The following INSR variants were observed in gnomAD, a reference collection of about 807,000 sequenced individuals.
The protein encoded by INSR is IR.
In INSR, 67 loss-of-function variants were observed where a neutral mutation model predicts 142.6. The observed-to-expected ratio is 0.47, with a 90% CI of 0.39 to 0.58. INSR has a LOEUF of 0.58. Among genes scored for constraint, INSR ranks in the 20% least tolerant of loss-of-function variants. INSR has a pLI of 0.00. For missense variants in INSR, 1,248 were observed against 1,833.2 expected (o/e 0.68, Z 5.83); for synonymous variants, 756 against 743.1 (o/e 1.02, Z -0.28).
In INSR at chr19:7,267,817, C is replaced by T. The variant is rs752380237; in HGVS notation, c.180G>A (p.Leu60=). ...LENCSVIEGH[L]QILLMFKTRP... is the part of the protein sequence containing the mutation. ...TCGTTTTGAACATCAAGAGTATCTG[C>T]AAGTGTCCTTCGATGACAGAGCAAT... Residue 60 remains leucine, a synonymous_variant, in exon 2 of 22, where the codon TTG becomes TTA. Coordinates refer to ENST00000302850, the MANE Select transcript of INSR (RefSeq NM_000208.4). This position sits in a 1 kb window ranked among gnomAD's most constrained non-coding sequence, Gnocchi z 6.3. The T allele has an allele frequency of 1.2e-6, 2 of 1,614,128 alleles. No individual in the cohort carries two copies. Among genetic ancestry groups the T allele is most frequent in the East Asian group, 2.2e-5 (1 of 44,890 alleles).
intron 2 of INSR, among the ~76,000 whole-genome samples, chr19:7,211,660 G>A (rs1267919995): frequency 6.6e-6 from 1 of 152,216 alleles, no homozygotes; most frequent in Non-Finnish European, 1.5e-5. Flanking sequence ...CAGGGACAGA[G>A]TAAACTGCTC....
At chr19:7,252,746 A>G (rs1976765353) in intron 2 of INSR, among the ~76,000 whole-genome samples, 2 of 152,152 alleles carry the variant, frequency 1.3e-5, no homozygotes, top group South Asian at 4.1e-4. Context: ...GGCTACACTC[A>G]ATAAGCCATG....
chr19:7,235,819 C>T (rs768169774), intron 2 of INSR, among the ~76,000 whole-genome samples: 1 of 151,766 alleles, frequency 6.6e-6, no homozygotes, highest in Admixed American at 6.6e-5. Context: ...AGAGTAAGAT[C>T]CTATCTCTAA....
intron 2 of INSR, among the ~76,000 whole-genome samples, chr19:7,204,319 T>C (rs879299355): frequency 2.0e-5 from 3 of 152,042 alleles, no homozygotes; most frequent in Non-Finnish European, 4.4e-5. Context: ...CCTCCCAAAG[T>C]GCTGGGATTA....
intron 1 of INSR, among the ~76,000 whole-genome samples, 195 bp downstream of exon 1, chr19:7,293,597 G>A (rs1968555370): frequency 6.6e-6 from 1 of 152,174 alleles, no homozygotes; most frequent in Non-Finnish European, 1.5e-5. Flanking sequence ...GCGCGGAGGC[G>A]CGAGCCCGGG....
At chr19:7,189,782 G>T (rs574251815) in intron 2 of INSR, among the ~76,000 whole-genome samples, 1 of 151,488 alleles carries the variant, frequency 6.6e-6, no homozygotes, top group Admixed American at 6.6e-5. Context: ...TCCTGCCTCA[G>T]CCTCCTGAGT....
At chr19:7,289,345 G>A (rs1423639749) in intron 1 of INSR, among the ~76,000 whole-genome samples, 1 of 151,826 alleles carries the variant, frequency 6.6e-6, no homozygotes, top group Non-Finnish European at 1.5e-5. Context: ...GGGATTGGGG[G>A]GTACTGGGTG....
chr19:7,232,725 G>A lies in INSR; in HGVS notation c.652+34620C>T, dbSNP rs528625511. 4.1e-4 allele frequency among the ~76,000 whole-genome samples: 63 copies of A among 151,846 alleles called. 2 individuals are homozygous for A. The South Asian group carries it at 8.5e-3, about 21-fold the overall frequency. ...CTTGGGAGGCTGAGGCAGGAGAATGGCGTGAACCCGGGAGGCGGAGCTTGC... is the reference window on the plus strand; with the variant it reads ...CTTGGGAGGCTGAGGCAGGAGAATGACGTGAACCCGGGAGGCGGAGCTTGC... On this transcript the variant is annotated intron_variant, in intron 2 of 21. Coordinates refer to ENST00000302850, the MANE Select transcript of INSR (RefSeq NM_000208.4).
At chr19:7,121,633 T>G (rs1972494876) in intron 19 of INSR, among the ~76,000 whole-genome samples, 2 of 151,468 alleles carry the variant, frequency 1.3e-5, no homozygotes, top group Admixed American at 6.6e-5. Flanking sequence ...CACCCCACTT[T>G]TTAAAAAATC....
chr19:7,164,826 CAAAAAAAAAA>C (rs35639305), intron 8 of INSR, among the ~76,000 whole-genome samples: 1 of 46,028 alleles, frequency 2.2e-5, no homozygotes, highest in East Asian at 7.7e-4. Context: ...AACTCCATCT[CAAAAAAAAAA>C]AAAAAAAAAA....
intron 11 of INSR, among the ~76,000 whole-genome samples, chr19:7,149,821 CA>C (rs796282763): frequency 1.5e-4 from 19 of 124,744 alleles, no homozygotes; most frequent in African/African-American, 2.0e-4. Context: ...AAATTCCATC[CA>C]AAAAAAAAAG....
At chr19:7,120,305 A>C (rs1233665141) in intron 20 of INSR, among the ~76,000 whole-genome samples, 1 of 152,208 alleles carries the variant, frequency 6.6e-6, no homozygotes, top group South Asian at 2.1e-4. Flanking sequence ...GTATAAAACC[A>C]AACTGTGCTC....
intron 3 of INSR, 57 bp from the exon 4 acceptor site, chr19:7,174,788 C>G (rs1189819249): frequency 6.4e-7 from 1 of 1,557,618 alleles, no homozygotes; most frequent in Non-Finnish European, 8.8e-7. Context: ...GTCACGGTAT[C>G]CAAGGTCCTT....
At chr19:7,210,718 GAGAGAGAGACAGAGACAGAGAGAC>G (rs1975249314) in intron 2 of INSR, among the ~76,000 whole-genome samples, 1 of 151,956 alleles carries the variant, frequency 6.6e-6, no homozygotes, top group South Asian at 2.1e-4. Context: ...TATATATGGA[GAGAGAGAGACAGAGACAGAGAGAC>G]AGAGAGAGAC....
chr19:7,181,799 T>A (rs1568468720), intron 3 of INSR, among the ~76,000 whole-genome samples: 2 of 151,306 alleles, frequency 1.3e-5, no homozygotes, highest in Non-Finnish European at 2.9e-5. Context: ...CAGGCTGACC[T>A]TGAACTCCTG....
At chr19:7,208,665 C>T (rs942816043) in intron 2 of INSR, among the ~76,000 whole-genome samples, 1 of 152,078 alleles carries the variant, frequency 6.6e-6, no homozygotes, top group Non-Finnish European at 1.5e-5. Flanking sequence ...AGCCCAGGAG[C>T]TCGAGACCAG....
chr19:7,286,661 A>G (rs544957370), intron 1 of INSR, among the ~76,000 whole-genome samples: 2 of 151,262 alleles, frequency 1.3e-5, no homozygotes, highest in African/African-American at 4.8e-5. Flanking sequence ...AAGTCCAGGG[A>G]TTACAGGTGT....
rs1973694521 is a variant in INSR at position 7,159,461 on chromosome 19, T to G, written c.2029+3571A>C. The G allele has an allele frequency of 6.6e-6, 1 of 152,032 alleles. No homozygotes were observed. The highest frequency in any genetic ancestry group is 1.5e-5 in the Non-Finnish European group (1 of 68,018). 9.4% of individuals were successfully genotyped at this position (152,032 alleles called of 1,614,324 possible). The stretch of plus-strand genomic sequence containing the variant: ...AGTTTCCTTTTAATGATATTAACTT[T>G]GTGACAATTACAAATAAAACCATGT... On this transcript the variant is annotated intron_variant, in intron 9 of 21. Coordinates refer to ENST00000302850, the MANE Select transcript of INSR (RefSeq NM_000208.4). The surrounding 1 kb of genome is among the most constrained non-coding windows in gnomAD (Gnocchi z 4.3).
Position 7,125,522 on chromosome 19 carries a change from G to C in INSR, c.3019C>G (p.Pro1007Ala). The C allele has an allele frequency of 1.9e-6, 3 of 1,613,380 alleles. No individual in the cohort carries two copies. The highest frequency in any genetic ancestry group is 2.5e-6 in the Non-Finnish European group (3 of 1,179,958). ...TCGTCCGGCACGTACACAGAGCATG[G>C]AAACACTACTTCTTACTTATCTACA... is the stretch of plus-strand genomic sequence containing the variant. ...PEYLSASDVF[P>A]CSVYVPDEWE... Residue 1007 changes from proline (P) to alanine (A), a missense_variant, in exon 17 of 22, where the codon CCA becomes GCA. Transcript: ENST00000302850. The surrounding 1 kb of genome is among the most constrained non-coding windows in gnomAD (Gnocchi z 4.9).
Sources: gnomAD v4.1 joint callset for allele counts (sites outside exome capture counted in the v4.1 genomes callset) on GRCh38, gnomAD v4.1.1 for gene constraint, Gnocchi (gnomAD v3.1) non-coding constraint, MANE v1.5 for transcripts, NCBI Gene and HGNC (gene_info 2026-07-23, HGNC 2026-07-21) for gene names.